RYR3: variants seen among roughly 807,000 people sequenced by gnomAD.
The protein encoded by RYR3 is ryanodine receptor 3.
A neutral mutation model predicts 584.3 loss-of-function variants in RYR3; 207 were observed. The observed-to-expected ratio is 0.35, with a 90% CI of 0.32 to 0.40. The LOEUF (loss-of-function observed/expected upper bound fraction) is 0.40. Among genes scored for constraint, RYR3 ranks in the 10% least tolerant of loss-of-function variants. The probability of loss-of-function intolerance (pLI) is 1.00; values close to 1 mark genes in which losing one functional copy is unlikely to be tolerated. For synonymous variants in RYR3, 2,416 were observed against 2,248.5 expected, an observed-to-expected ratio of 1.07 and a Z score of -2.11; for missense variants, 5,616 against 6,089.2, an observed-to-expected ratio of 0.92 and a Z score of 2.59.
chr15:33,425,345 G>A (rs1399346142), intron 1 of RYR3, among the ~76,000 whole-genome samples: 1 of 152,220 alleles, frequency 6.6e-6, no homozygotes, highest in African/African-American at 2.4e-5. Flanking sequence ...TGGAGAGGCT[G>A]TGGGAAATTC....
rs560272482 is a variant in RYR3, at chr15:33,865,571, G to C, written c.*345G>C. The C allele has an allele frequency of 6.7e-5, 14 of 210,196 alleles. No homozygotes were observed. The highest frequency in any genetic ancestry group is 1.3e-4 in the Non-Finnish European group (13 of 103,934). 13.0% of individuals were successfully genotyped at this position (210,196 alleles called of 1,614,324 possible). A position where few individuals can be genotyped will look rare whatever the true frequency, so the allele number is the denominator to read the frequency against. On this transcript the variant is annotated 3_prime_UTR_variant, in exon 104 of 104. Transcript: ENST00000634891. ...TAGAGAAGTATGAAATCTCGAATGT[G>C]TAATACCTGAAAATTTAAACACTTG...
At chr15:33,518,328 A>C (rs2053691420) in intron 3 of RYR3, among the ~76,000 whole-genome samples, 1 of 152,228 alleles carries the variant, frequency 6.6e-6, no homozygotes, top group African/African-American at 2.4e-5. Flanking sequence ...CTTGCTGCAA[A>C]TGGATTGAAT....
At chr15:33,556,501 T>G (rs1180942037) in intron 10 of RYR3, among the ~76,000 whole-genome samples, 1 of 152,208 alleles carries the variant, frequency 6.6e-6, no homozygotes, top group Non-Finnish European at 1.5e-5. Flanking sequence ...GATGTTTTCA[T>G]TGATGCTGAT....
chr15:33,359,900 C>T (rs1413155879), intron 1 of RYR3, among the ~76,000 whole-genome samples: 2 of 152,074 alleles, frequency 1.3e-5, no homozygotes, highest in Non-Finnish European at 2.9e-5. Context: ...GGATTATAGG[C>T]GTGAGCCACC....
At chr15:33,626,245 T>C (rs773653348) in intron 20 of RYR3, among the ~76,000 whole-genome samples, 24 of 152,350 alleles carry the variant, frequency 1.6e-4, no homozygotes, top group Non-Finnish European at 2.9e-4. Flanking sequence ...CTGATAGTTA[T>C]ATAGACAATA....
intron 85 of RYR3, among the ~76,000 whole-genome samples, chr15:33,829,688 G>A (rs1454851949): frequency 6.6e-6 from 1 of 151,538 alleles, no homozygotes; most frequent in Non-Finnish European, 1.5e-5. Context: ...GGGAGGCGGA[G>A]CTTGCAGTGA....
At chr15:33,845,200 C>T in intron 93 of RYR3, 138 bp downstream of exon 93, 1 of 742,814 alleles carries the variant, frequency 1.3e-6, no homozygotes, top group African/African-American at 1.7e-5. Flanking sequence ...AGCAGCACAT[C>T]ACTTGGGAGC....
Position 33,696,252 on chromosome 15 carries a change from C to A in RYR3, c.5895C>A (p.Ile1965=). ...AGGAACTCATCTCACAGACGATGATCTGCTGGGCCCAGGAGGACCAGATCC... is the reference window on the plus strand; with the variant it reads ...AGGAACTCATCTCACAGACGATGATATGCTGGGCCCAGGAGGACCAGATCC... ...TLKELISQTM[I]CWAQEDQIQD... Residue 1965 remains isoleucine, a synonymous_variant, in exon 39 of 104, where the codon ATC becomes ATA. Transcript: ENST00000634891. 1 of 1,613,804 alleles carries A rather than the reference C, an allele frequency of 6.2e-7. No individual in the cohort carries two copies. The highest frequency in any genetic ancestry group is 8.5e-7 in the Non-Finnish European group (1 of 1,179,848).
At chr15:33,565,077 C>T (rs1324492228) in intron 11 of RYR3, among the ~76,000 whole-genome samples, 1 of 150,838 alleles carries the variant, frequency 6.6e-6, no homozygotes, top group Non-Finnish European at 1.5e-5. Flanking sequence ...TGTCCCTGCT[C>T]TTCAGTTGTA....
chr15:33,365,948 G>T (rs547179387), intron 1 of RYR3, among the ~76,000 whole-genome samples: 1 of 151,984 alleles, frequency 6.6e-6, no homozygotes, highest in African/African-American at 2.4e-5. Flanking sequence ...TGGACTAGAA[G>T]ATTAGTGTTT....
At chr15:33,857,067 C>T (rs903604816) in intron 98 of RYR3, among the ~76,000 whole-genome samples, 1 of 152,202 alleles carries the variant, frequency 6.6e-6, no homozygotes, top group Non-Finnish European at 1.5e-5. Context: ...CTCCTCACAG[C>T]ACCTGCACTA....
chr15:33,727,936 CA>C, intron 46 of RYR3, among the ~76,000 whole-genome samples: 1 of 152,144 alleles, frequency 6.6e-6, no homozygotes, highest in Non-Finnish European at 1.5e-5. Context: ...AGTATTTCCC[CA>C]CTTCACCTTT....
chr15:33,421,099 A>G (rs950651514), intron 1 of RYR3, among the ~76,000 whole-genome samples: 5 of 152,160 alleles, frequency 3.3e-5, no homozygotes, highest in Non-Finnish European at 5.9e-5. Flanking sequence ...CTATTCATTC[A>G]TTCTTTCTGT....
At chr15:33,684,044 C>T (rs374536539) in intron 38 of RYR3, among the ~76,000 whole-genome samples, 4 of 152,388 alleles carry the variant, frequency 2.6e-5, no homozygotes, top group East Asian at 1.9e-4. Flanking sequence ...TACACTCCAC[C>T]TCTGTGAGCA....
intron 3 of RYR3, among the ~76,000 whole-genome samples, chr15:33,510,297 A>C (rs2142868839): frequency 6.6e-6 from 1 of 152,280 alleles, no homozygotes; most frequent in East Asian, 1.9e-4. Context: ...ACATGACATC[A>C]CTTAGATGCA....
chr15:33,379,643 A>ATGTGTG (rs147989530), intron 1 of RYR3, among the ~76,000 whole-genome samples: 2 of 133,202 alleles, frequency 1.5e-5, no homozygotes, highest in African/African-American at 2.8e-5. Flanking sequence ...ATTTATGTGT[A>ATGTGTG]TGTGTGTGTG....
chr15:33,350,888 G>C (rs1309320389), intron 1 of RYR3, among the ~76,000 whole-genome samples: 1 of 152,116 alleles, frequency 6.6e-6, no homozygotes, highest in African/African-American at 2.4e-5. Context: ...AAAGCTAGCA[G>C]AAGGCAAGAA....
chr15:33,351,136 AC>A (rs1383441417), intron 1 of RYR3, among the ~76,000 whole-genome samples: 1 of 152,242 alleles, frequency 6.6e-6, no homozygotes, highest in Non-Finnish European at 1.5e-5. Flanking sequence ...AAACACCTCT[AC>A]GCAAATAAAC....
chr15:33,781,083 A>G (rs955110773), intron 65 of RYR3, among the ~76,000 whole-genome samples: 1 of 152,242 alleles, frequency 6.6e-6, no homozygotes, highest in African/African-American at 2.4e-5. Context: ...GGCCCTCTAC[A>G]GGAAACGTTT....
Sources: allele counts gnomAD v4.1 joint callset (sites outside exome capture counted in the v4.1 genomes callset), GRCh38; gene constraint gnomAD v4.1.1; transcripts MANE v1.5; gene names NCBI Gene and HGNC (gene_info 2026-07-23, HGNC 2026-07-21).